The following EPN3 variants were observed in gnomAD, a reference collection of about 807,000 sequenced individuals.
EPN3 encodes epsin 3.
In EPN3, 56 loss-of-function variants were observed where a neutral mutation model predicts 55.5. That is an observed-to-expected ratio of 1.01 (90% CI 0.81 to 1.26). The LOEUF is 1.26. Ranked by LOEUF, EPN3 falls within the 50% of genes most tolerant of loss-of-function variation. The pLI is 0.00. For synonymous variants in EPN3, 449 were observed against 375.2 expected (o/e 1.20, Z -2.27); for missense variants, 927 against 853.4 (o/e 1.09, Z -1.07).
At chr17:50,537,855 C>A in intron 2 of EPN3, 1 of 493,936 alleles carries the variant, frequency 2.0e-6, no homozygotes, top group Non-Finnish European at 3.6e-6. Flanking sequence ...GCCCTAAGTG[C>A]CGCCTGTGCA....
intron 1 of EPN3, chr17:50,534,661 C>T (rs916205025): frequency 1.3e-5 from 13 of 984,910 alleles, no homozygotes; most frequent in Admixed American, 6.1e-5. Flanking sequence ...AGGTAGGCTG[C>T]GCTGTGGGCC....
intron 1 of EPN3, chr17:50,534,396 G>A (rs1234174303): frequency 1.0e-6 from 1 of 984,794 alleles, no homozygotes; most frequent in Non-Finnish European, 1.2e-6. Flanking sequence ...GCCAGGTCCA[G>A]GTAGGGCTCT....
chr17:50,538,812 G>A, intron 3 of EPN3, 72 bp from the exon 4 acceptor site: 2 of 1,158,194 alleles, frequency 1.7e-6, no homozygotes, highest in South Asian at 1.7e-5. Flanking sequence ...CATGACCCAG[G>A]CAGGCCTATA....
At chr17:50,541,733 C>CT in intron 9 of EPN3, 39 bp downstream of exon 9, 1 of 1,608,918 alleles carries the variant, frequency 6.2e-7, no homozygotes, top group South Asian at 1.1e-5. Flanking sequence ...GGGGCTCCTG[C>CT]TTTCAGAGCC....
At chr17:50,537,971 G>C (rs572110203) in intron 2 of EPN3, 108 bp from the exon 3 acceptor site, 5 of 945,902 alleles carry the variant, frequency 5.3e-6, no homozygotes, top group African/African-American at 3.3e-5. Flanking sequence ...CTCAACGGCC[G>C]TTGTTCCCCT....
intron 2 of EPN3, chr17:50,537,332 T>C: frequency 5.1e-6 from 3 of 592,038 alleles, no homozygotes; most frequent in Non-Finnish European, 8.9e-6. Context: ...TTCATTATCA[T>C]TCGTTAGCTG....
chr17:50,536,279 G>C, intron 1 of EPN3, 142 bp from the exon 2 acceptor site: 1 of 554,124 alleles, frequency 1.8e-6, no homozygotes, highest in Admixed American at 3.6e-5. Flanking sequence ...CTGCTGAATT[G>C]TAAGTGAAAT....
Position 50,540,797 on chromosome 17 carries a change from T to C in EPN3, c.984T>C (p.Phe328=). 3 of 1,607,424 alleles carry C rather than the reference T, an allele frequency of 1.9e-6. No individual in the cohort carries two copies. Among genetic ancestry groups the C allele is most frequent in the Non-Finnish European group, 2.6e-6 (3 of 1,175,368 alleles). The change falls in exon 7 of 10, where the codon TTT becomes TTC. Residue 328 remains phenylalanine (F), a synonymous_variant. Coordinates refer to ENST00000268933, the MANE Select transcript of EPN3 (RefSeq NM_017957.3). ...CSADPWDIPG[F]RPNTEASGSS... ...TCTATGCTGTTCCCATTTCAGGTTT[T>C]AGGCCGAACACAGAGGCCAGTGGAT...
intron 4 of EPN3, 32 bp from the exon 5 acceptor site, chr17:50,539,155 C>A: frequency 6.2e-7 from 1 of 1,612,584 alleles, no homozygotes; most frequent in South Asian, 1.1e-5. Context: ...CTGAGCTGCT[C>A]ATGCTCCTAA....
chr17:50,533,512 T>C (rs1166028022), intron 1 of EPN3, among the ~76,000 whole-genome samples: 1 of 152,158 alleles, frequency 6.6e-6, no homozygotes, highest in Non-Finnish European at 1.5e-5. Flanking sequence ...TGGGCTGGGC[T>C]GGTGGGTGCA....
At chr17:50,537,514 T>G in intron 2 of EPN3, 1 of 246,522 alleles carries the variant, frequency 4.1e-6, no homozygotes, top group Non-Finnish European at 7.9e-6. Flanking sequence ...GAGAATGAAA[T>G]GAGACCAGGT....
intron 6 of EPN3, 64 bp from the exon 7 acceptor site, chr17:50,540,729 G>C: frequency 6.6e-7 from 1 of 1,516,770 alleles, no homozygotes; most frequent in Non-Finnish European, 8.9e-7. Flanking sequence ...TGGGTAACTG[G>C]GAAGGGCCCT....
In EPN3 at chr17:50,541,301, C is replaced by T. The variant is rs776360026; in HGVS notation, c.1322C>T (p.Ala441Val). Residue 441 changes from alanine (A) to valine (V), a missense_variant, in exon 8 of 10, where the codon GCC becomes GTC. By Grantham distance (64) the Ala-to-Val change is moderately conservative. Transcript: ENST00000268933. ...GAGACCAAGGAGGGGCTGGAGCAGG[C>T]CCTGCCCTCTGGGAAGCCCAGCAGC... is the stretch of plus-strand genomic sequence containing the variant. Reference protein sequence around the residue: ...STETKEGLEQALPSGKPSSPV... With the variant: ...STETKEGLEQVLPSGKPSSPV... The T allele has an allele frequency of 2.5e-6, 4 of 1,613,026 alleles. No individual in the cohort carries two copies. The highest frequency in any genetic ancestry group is 3.4e-6 in the Non-Finnish European group (4 of 1,180,000).
chr17:50,536,292 G>C, intron 1 of EPN3, 129 bp from the exon 2 acceptor site: 1 of 635,010 alleles, frequency 1.6e-6, no homozygotes, highest in East Asian at 3.3e-5. Flanking sequence ...AGTGAAATAA[G>C]AACGTGTGCC....
chr17:50,539,216 C>A lies in EPN3; in HGVS notation c.792C>A (p.Ser264=). ...TGAGGTCCTGGCAGGGTGATGGCTC[C>A]CCCATGGCCAATGGTGCAGGGGCCG... ...KEVRSWQGDG[S]PMANGAGAVV... The change falls in exon 5 of 10, where the codon TCC becomes TCA. Residue 264 remains serine (S), a synonymous_variant. Coordinates refer to ENST00000268933, the MANE Select transcript of EPN3 (RefSeq NM_017957.3). The A allele has an allele frequency of 6.2e-7, 1 of 1,614,114 alleles. No homozygotes were observed. The highest frequency in any genetic ancestry group is 1.1e-5 in the South Asian group (1 of 91,080).
chr17:50,533,449 T>C (rs1478324994), intron 1 of EPN3, among the ~76,000 whole-genome samples: 3 of 152,164 alleles, frequency 2.0e-5, no homozygotes, highest in African/African-American at 7.2e-5. Flanking sequence ...AGGCTGGATC[T>C]GACTTGGAGG....
At chr17:50,540,424 A>C (rs2144037771) in intron 6 of EPN3, 90 bp downstream of exon 6, 1 of 1,220,740 alleles carries the variant, frequency 8.2e-7, no homozygotes, top group Non-Finnish European at 1.1e-6. Context: ...CTCCTCCCAA[A>C]ATCTGAGTGT....
chr17:50,538,110 C>G lies in EPN3; in HGVS notation c.594C>G (p.Asp198Glu). The change falls in exon 3 of 10, where the codon GAC becomes GAG. Residue 198 changes from aspartate (D) to glutamate (E), a missense_variant. Asp to Glu is a conservative substitution (Grantham distance 45). Coordinates refer to ENST00000268933, the MANE Select transcript of EPN3 (RefSeq NM_017957.3). ...SSSSSPRYTS[D>E]LEQARPQTSG... ...CTTCGTCACCCCGCTATACCTCCGA[C>G]CTGGAGCAGGCCCGGCCTCAGACGT... 6.2e-7 allele frequency: 1 copy of G among 1,614,100 alleles called. No homozygotes were observed. Among genetic ancestry groups the G allele is most frequent in the Non-Finnish European group, 8.5e-7 (1 of 1,179,998 alleles).
rs189382525 is a variant in EPN3 at position 50,537,269 on chromosome 17, C to T, written c.562+151C>T. The T allele has an allele frequency of 5.3e-4, 409 of 776,644 alleles. 5 individuals are homozygous for T. In the East Asian group the frequency reaches 0.011, roughly 20 times the overall value. 48.1% of individuals were successfully genotyped at this position (776,644 alleles called of 1,614,324 possible). A position where few individuals can be genotyped will look rare whatever the true frequency, so the allele number is the denominator to read the frequency against. On this transcript the variant is annotated intron_variant, in intron 2 of 9. Transcript: ENST00000268933. ...AATGTAACACGCAAGGCGCAACACC[C>T]GGCACATAGGAGGTGCTCAACAAGT...
Sources: gnomAD v4.1 joint callset for allele counts (sites outside exome capture counted in the v4.1 genomes callset) on GRCh38, gnomAD v4.1.1 for gene constraint, MANE v1.5 for transcripts, NCBI Gene and HGNC (gene_info 2026-07-23, HGNC 2026-07-21) for gene names.